MEMO1: variants seen among roughly 807,000 people sequenced by gnomAD.
MEMO1 encodes the protein protein MEMO1.
Under a neutral mutation model 45.2 loss-of-function variants are expected in MEMO1, and 6 were observed. The observed-to-expected ratio is 0.13, with a 90% confidence interval of 0.07 to 0.26. The LOEUF is 0.26. Among genes scored for constraint, MEMO1 ranks in the 10% least tolerant of loss-of-function variants. The pLI is 1.00. For synonymous variants in MEMO1, 78 were observed against 124.3 expected (o/e 0.63, Z 2.48); for missense variants, 184 against 370.5 (o/e 0.50, Z 4.13).
chr2:31,974,722 G>A (rs1423021870), intron 2 of MEMO1, among the ~76,000 whole-genome samples: 9 of 151,882 alleles, frequency 5.9e-5, no homozygotes, highest in Admixed American at 4.6e-4. Flanking sequence ...CCAAGATTGC[G>A]CCATTGCACT....
intron 2 of MEMO1, among the ~76,000 whole-genome samples, chr2:31,945,539 G>A (rs183601629): frequency 1.3e-5 from 2 of 152,136 alleles, no homozygotes; most frequent in African/African-American, 4.8e-5. Flanking sequence ...CCTTTTCTTA[G>A]AGGATTTTCT....
intron 2 of MEMO1, 76 bp from the exon 3 acceptor site, chr2:31,943,459 C>T (rs1665850375): frequency 1.9e-6 from 2 of 1,061,076 alleles, no homozygotes; most frequent in Admixed American, 3.4e-5. Context: ...ATAAAGCCCT[C>T]ACTGAACTTA....
At chr2:31,933,334 A>AT (rs1664436128) in intron 3 of MEMO1, among the ~76,000 whole-genome samples, 4 of 58,350 alleles carry the variant, frequency 6.9e-5, no homozygotes, top group African/African-American at 3.1e-4. Context: ...AAAAAAAAAA[A>AT]AAAAAAAAAA....
At chr2:31,887,575 A>C (rs1676382026) in intron 7 of MEMO1, among the ~76,000 whole-genome samples, 1 of 152,192 alleles carries the variant, frequency 6.6e-6, no homozygotes, top group Non-Finnish European at 1.5e-5. Flanking sequence ...TCACTACCAA[A>C]GAAAAAATGT....
intron 5 of MEMO1, among the ~76,000 whole-genome samples, 171 bp from the exon 6 acceptor site, chr2:31,918,208 AGGAG>A (rs1182281730): frequency 6.6e-6 from 1 of 152,224 alleles, no homozygotes; most frequent in Non-Finnish European, 1.5e-5. Flanking sequence ...AAGGAAAGGA[AGGAG>A]GGAGAGTAAG....
At chr2:31,994,596 A>G (rs1672342195) in intron 2 of MEMO1, among the ~76,000 whole-genome samples, 1 of 151,542 alleles carries the variant, frequency 6.6e-6, no homozygotes, top group Non-Finnish European at 1.5e-5. Flanking sequence ...GCACCACTGC[A>G]CTCCAACCTG....
At chr2:31,905,376 G>A (rs1480106124) in intron 6 of MEMO1, among the ~76,000 whole-genome samples, 2 of 152,178 alleles carry the variant, frequency 1.3e-5, no homozygotes, top group East Asian at 3.8e-4. Flanking sequence ...AATCTTTACT[G>A]TTTGATCAGT....
chr2:31,970,794 A>AGGAG (rs1302156486), intron 2 of MEMO1, among the ~76,000 whole-genome samples: 1 of 152,210 alleles, frequency 6.6e-6, no homozygotes, highest in African/African-American at 2.4e-5. Flanking sequence ...ACTTGAGGTC[A>AGGAG]GGAGTTTGAG....
chr2:31,923,540 ATGACACTT>A, intron 4 of MEMO1: 2 of 1,282,074 alleles, frequency 1.6e-6, no homozygotes, highest in Non-Finnish European at 1.0e-6. Context: ...CATAAATAAC[ATGACACTT>A]TGTTTTAAAT....
intron 3 of MEMO1, among the ~76,000 whole-genome samples, chr2:31,935,847 A>G (rs1216632530): frequency 1.3e-5 from 2 of 151,048 alleles, no homozygotes; most frequent in South Asian, 2.1e-4. Context: ...AGAAACGGCT[A>G]AAGTTTTTTC....
chr2:31,957,787 C>G (rs187216626), intron 2 of MEMO1, among the ~76,000 whole-genome samples: 2 of 152,380 alleles, frequency 1.3e-5, no homozygotes, highest in Admixed American at 6.5e-5. Context: ...ATTCTCCACT[C>G]TGACTTCGTC....
Position 31,933,317 on chromosome 2 carries a change from TAAAAAAAAAA to T in MEMO1, c.144-1192_144-1183del, listed in dbSNP as rs34487390. Among the ~76,000 whole-genome samples the T allele has an allele frequency of 2.7e-3, 65 of 24,098 alleles. 3 individuals carry two copies. The highest frequency in any genetic ancestry group is 7.0e-3 in the South Asian group (3 of 430). 15.8% of individuals were successfully genotyped at this position (24,098 alleles called of 152,430 possible). On this transcript the variant is annotated intron_variant, in intron 3 of 9. Coordinates refer to ENST00000404530, the MANE Select transcript of MEMO1 (RefSeq NM_001301833.4). ...ATGACAGAGCGAGATACCACCTCTT[TAAAAAAAAAA>T]AAAAAAAAAAAAAAAAAAAAAATTT... is the stretch of plus-strand genomic sequence containing the variant.
intron 2 of MEMO1, among the ~76,000 whole-genome samples, chr2:32,004,115 AG>A (rs1673751716): frequency 6.6e-6 from 1 of 152,228 alleles, no homozygotes; most frequent in Non-Finnish European, 1.5e-5. Flanking sequence ...CAAGAGTTAG[AG>A]GCTGCAGTGA....
intron 2 of MEMO1, among the ~76,000 whole-genome samples, chr2:32,009,829 T>A (rs1309479597): frequency 1.3e-5 from 2 of 151,838 alleles, no homozygotes; most frequent in African/African-American, 4.8e-5. Context: ...GCCGCACGCT[T>A]CCTGCAAGCC....
chr2:31,972,275 C>G (rs1669502328), intron 2 of MEMO1, among the ~76,000 whole-genome samples: 1 of 152,086 alleles, frequency 6.6e-6, no homozygotes, highest in South Asian at 2.1e-4. Flanking sequence ...AATTCCCCAC[C>G]TTCTGAAGCA....
intron 2 of MEMO1, among the ~76,000 whole-genome samples, chr2:31,973,011 C>T (rs967444664): frequency 3.3e-5 from 5 of 152,144 alleles, no homozygotes; most frequent in African/African-American, 7.2e-5. Flanking sequence ...TGGCAAGTGA[C>T]AGCTAAGAGA....
chr2:31,894,541 A>T (rs1293175444), intron 6 of MEMO1, among the ~76,000 whole-genome samples: 1 of 152,098 alleles, frequency 6.6e-6, no homozygotes, highest in East Asian at 1.9e-4. Flanking sequence ...CTGAAGAGAG[A>T]CCTATGCCCT....
intron 7 of MEMO1, among the ~76,000 whole-genome samples, chr2:31,885,519 C>G (rs1676065974): frequency 6.6e-6 from 1 of 152,198 alleles, no homozygotes; most frequent in Non-Finnish European, 1.5e-5. Flanking sequence ...TCATTTGATA[C>G]TAAATTTTTA....
intron 2 of MEMO1, among the ~76,000 whole-genome samples, chr2:31,946,004 C>T (rs1267053887): frequency 1.3e-5 from 2 of 152,158 alleles, no homozygotes; most frequent in Non-Finnish European, 2.9e-5. Context: ...AATCTTTTAG[C>T]AGATTGCTTG....
Sources: allele counts gnomAD v4.1 joint callset (sites outside exome capture counted in the v4.1 genomes callset), GRCh38; gene constraint gnomAD v4.1.1; transcripts MANE v1.5; gene names NCBI Gene and HGNC (gene_info 2026-07-23, HGNC 2026-07-21).